Variants in DMD observed in about 807,000 individuals in gnomAD.
The protein encoded by DMD is mutant dystrophin.
A neutral mutation model predicts 330.1 loss-of-function variants in DMD; 63 were observed. The observed-to-expected ratio is 0.19, with a 90% CI of 0.16 to 0.24. DMD has a LOEUF of 0.24. Ranked by LOEUF, DMD falls within the 10% of genes least tolerant of loss-of-function variation. The pLI is 1.00. For missense variants in DMD, 3,344 were observed against 2,684.1 expected (o/e 1.25, Z -5.43); for synonymous variants, 1,223 against 959.8 (o/e 1.27, Z -5.07).
chrX:33,035,206 T>C (rs58185876), intron 1 of DMD, among the ~76,000 whole-genome samples: 1,691 of 111,353 alleles, frequency 0.015, 26 homozygotes, highest in African/African-American at 0.052. Flanking sequence ...TTCTTTACTT[T>C]GCTTTTTTTT....
intron 2 of DMD, among the ~76,000 whole-genome samples, chrX:32,991,677 C>T (rs904319304): frequency 1.2e-4 from 13 of 111,443 alleles, no homozygotes; most frequent in Admixed American, 4.8e-4. Context: ...AGGTTGTATG[C>T]GCAGAAGCAT....
At chrX:32,828,451 T>C (rs867514359) in intron 4 of DMD, among the ~76,000 whole-genome samples, 1 of 105,046 alleles carries the variant, frequency 9.5e-6, no homozygotes, top group African/African-American at 3.5e-5. Context: ...AGTGTGTGTA[T>C]ACACACACAC....
At chrX:33,231,157 G>A (rs137920846) in intron 1 of DMD, among the ~76,000 whole-genome samples, 2,339 of 111,254 alleles carry the variant, frequency 0.021, 68 homozygotes, top group African/African-American at 0.073. Flanking sequence ...GCATATGTGC[G>A]TGGAGTGACT....
chrX:31,929,450 G>A, intron 47 of DMD, 146 bp downstream of exon 47: 1 of 692,744 alleles, frequency 1.4e-6, no homozygotes. Flanking sequence ...TATAGCCAAA[G>A]CAAACGGTCA....
chrX:32,225,590 G>A (rs911785240), intron 43 of DMD, among the ~76,000 whole-genome samples: 2 of 111,305 alleles, frequency 1.8e-5, no homozygotes, highest in African/African-American at 6.5e-5. Flanking sequence ...TGTTGGAGGT[G>A]GGGCCTGGTG....
intron 38 of DMD, among the ~76,000 whole-genome samples, chrX:32,346,477 T>A (rs1460833900): frequency 9.0e-6 from 1 of 111,591 alleles, no homozygotes; most frequent in Non-Finnish European, 1.9e-5. Context: ...GGAATACAGA[T>A]GTGTATTTGT....
At chrX:31,736,640 CT>C (rs751874770) in intron 51 of DMD, among the ~76,000 whole-genome samples, 25 of 111,836 alleles carry the variant, frequency 2.2e-4, no homozygotes, top group African/African-American at 7.8e-4. Flanking sequence ...AACTTGTCTT[CT>C]TTTTTCAAGG....
intron 41 of DMD, among the ~76,000 whole-genome samples, chrX:32,335,762 A>G (rs765323611): frequency 9.4e-4 from 95 of 101,337 alleles, no homozygotes; most frequent in African/African-American, 3.1e-3. Flanking sequence ...CATAACATGT[A>G]TATATAAAAC....
At chrX:32,038,658 A>T (rs1349312432) in intron 44 of DMD, among the ~76,000 whole-genome samples, 1 of 110,240 alleles carries the variant, frequency 9.1e-6, no homozygotes, top group Non-Finnish European at 1.9e-5. Flanking sequence ...CTAGAATCAC[A>T]CACTATACTT....
intron 23 of DMD, among the ~76,000 whole-genome samples, chrX:32,467,020 T>C (rs912183122): frequency 2.1e-4 from 23 of 112,180 alleles, no homozygotes; most frequent in Non-Finnish European, 1.3e-4. Flanking sequence ...ACAAGAGCCA[T>C]GTAATTGTGC....
At chrX:31,725,586 G>C (rs906453311) in intron 52 of DMD, among the ~76,000 whole-genome samples, 2 of 112,095 alleles carry the variant, frequency 1.8e-5, no homozygotes, top group Admixed American at 9.5e-5. Flanking sequence ...ATAGTTATAA[G>C]TGAGCCTATT....
intron 53 of DMD, among the ~76,000 whole-genome samples, chrX:31,674,096 G>C (rs2081956682): frequency 9.0e-6 from 1 of 111,559 alleles, no homozygotes; most frequent in Non-Finnish European, 1.9e-5. Context: ...ACTAGTGTGG[G>C]TCAATTTGCT....
chrX:31,718,403 C>T (rs2085223576), intron 52 of DMD, among the ~76,000 whole-genome samples: 1 of 111,162 alleles, frequency 9.0e-6, no homozygotes, highest in Admixed American at 9.6e-5. Flanking sequence ...CCTAGTGGAA[C>T]TCTCAATAAT....
chrX:32,636,915 G>C (rs1054929952), intron 11 of DMD, among the ~76,000 whole-genome samples: 7 of 109,870 alleles, frequency 6.4e-5, no homozygotes, highest in Non-Finnish European at 9.5e-5. Flanking sequence ...GGAGAATGGC[G>C]TGAACCCGGG....
chrX:33,262,290 G>A (rs2052970998), intron 1 of DMD, among the ~76,000 whole-genome samples: 1 of 110,743 alleles, frequency 9.0e-6, no homozygotes, highest in South Asian at 3.7e-4. Flanking sequence ...CGTAACACAG[G>A]GAGGCAAGTA....
chrX:32,514,614 G>C (rs374021180), intron 18 of DMD, among the ~76,000 whole-genome samples: 1 of 111,909 alleles, frequency 8.9e-6, no homozygotes, highest in East Asian at 2.8e-4. Context: ...GGTGGCGGGC[G>C]CCTGTAGTCC....
At chrX:31,834,313 C>T (rs1014404009) in intron 49 of DMD, among the ~76,000 whole-genome samples, 4 of 111,557 alleles carry the variant, frequency 3.6e-5, no homozygotes, top group Non-Finnish European at 7.5e-5. Flanking sequence ...TTCAGGCTAC[C>T]GCAAACCCCA....
intron 1 of DMD, among the ~76,000 whole-genome samples, chrX:33,239,920 C>T (rs946250974): frequency 3.7e-5 from 4 of 109,206 alleles, no homozygotes; most frequent in Non-Finnish European, 5.7e-5. Flanking sequence ...TTTTCAAGCA[C>T]AAAACTGCTA....
intron 1 of DMD, among the ~76,000 whole-genome samples, chrX:33,044,078 G>C (rs922484847): frequency 7.2e-5 from 8 of 110,956 alleles, no homozygotes; most frequent in Non-Finnish European, 1.5e-4. Context: ...CACTTTCATG[G>C]GCGTTCCTAC....
Sources: gnomAD v4.1 joint callset for allele counts (sites outside exome capture counted in the v4.1 genomes callset) on GRCh38, gnomAD v4.1.1 for gene constraint, MANE v1.5 for transcripts, NCBI Gene and HGNC (gene_info 2026-07-23, HGNC 2026-07-21) for gene names.